The following NDUFA10 variants were observed in gnomAD, a reference collection of about 807,000 sequenced individuals.
NDUFA10 encodes NADH dehydrogenase [ubiquinone] 1 alpha subcomplex subunit 10, mitochondrial.
In NDUFA10, 40 loss-of-function variants were observed where a neutral mutation model predicts 47.8. That is an observed-to-expected ratio of 0.84 (90% CI 0.65 to 1.09). The LOEUF is 1.09. Ranked by LOEUF, NDUFA10 falls within the 50% of genes least tolerant of loss-of-function variation. The pLI is 0.00. For synonymous variants in NDUFA10, 183 were observed against 172.2 expected (o/e 1.06, Z -0.49); for missense variants, 413 against 451.1 (o/e 0.92, Z 0.76).
intron 4 of NDUFA10, among the ~76,000 whole-genome samples, chr2:239,936,777 AC>A (rs1694272991): frequency 6.6e-6 from 1 of 152,110 alleles, no homozygotes; most frequent in Admixed American, 6.5e-5. Flanking sequence ...ACATGGCGAA[AC>A]CCTGTCTCTA....
chr2:239,922,072 T>C lies in NDUFA10; in HGVS notation c.295-26758A>G, dbSNP rs1245847180. 8.3e-5 allele frequency among the ~76,000 whole-genome samples: 11 copies of C among 133,052 alleles called. No homozygotes were observed. In the East Asian group the frequency reaches 2.5e-3, roughly 30 times the overall value. The allele number at this position is 133,052 out of a possible 152,430, so 87.3% of individuals were successfully genotyped here. A position where few individuals can be genotyped will look rare whatever the true frequency, so the allele number is the denominator to read the frequency against. On this transcript the variant is annotated intron_variant, in intron 4 of 5. Transcript: ENST00000419408. ...TCCCTCCCTCCCTTCCTTCTTTCCTTCCTTCCTTGCTTGTTTCCTTCCTTC... is the reference window on the plus strand; with the variant it reads ...TCCCTCCCTCCCTTCCTTCTTTCCTCCCTTCCTTGCTTGTTTCCTTCCTTC...
chr2:239,938,732 G>A (rs1453919476), intron 4 of NDUFA10, among the ~76,000 whole-genome samples: 7 of 152,186 alleles, frequency 4.6e-5, no homozygotes, highest in Non-Finnish European at 1.5e-5. Flanking sequence ...TTAAACGGGG[G>A]CGGCTAGGAA....
At chr2:239,949,745 G>A (rs1694520880) in intron 4 of NDUFA10, among the ~76,000 whole-genome samples, 1 of 152,152 alleles carries the variant, frequency 6.6e-6, no homozygotes, top group Non-Finnish European at 1.5e-5. Context: ...GCCTCCCAAA[G>A]CACTCGGATT....
chr2:239,917,962 T>C (rs1049451876), intron 4 of NDUFA10, among the ~76,000 whole-genome samples: 1 of 151,656 alleles, frequency 6.6e-6, no homozygotes. Flanking sequence ...TGGGCTGCAG[T>C]GCAGAATGGG....
chr2:239,900,398 A>G (rs2106464171), intron 4 of NDUFA10, among the ~76,000 whole-genome samples: 1 of 141,146 alleles, frequency 7.1e-6, no homozygotes, highest in African/African-American at 2.6e-5. Flanking sequence ...AACCTTGACT[A>G]ATACAGGCCT....
At chr2:239,967,941 C>T (rs1415632769) in intron 9 of NDUFA10, among the ~76,000 whole-genome samples, 2 of 148,768 alleles carry the variant, frequency 1.3e-5, no homozygotes, top group African/African-American at 5.0e-5. Context: ...GCTTCAAATG[C>T]CAGCTGTTCG....
chr2:239,983,499 C>G (rs1248311069), intron 9 of NDUFA10: 7 of 1,587,210 alleles, frequency 4.4e-6, no homozygotes, highest in Non-Finnish European at 6.0e-6. Context: ...ATCCTCTAAA[C>G]AGTCAGACAA....
chr2:239,939,594 A>C (rs899103089), intron 4 of NDUFA10, among the ~76,000 whole-genome samples: 1 of 152,286 alleles, frequency 6.6e-6, no homozygotes, highest in Admixed American at 6.5e-5. Context: ...TGACCCATGC[A>C]GAATATTCAA....
At chr2:240,006,182 CG>C (rs755810469) in intron 7 of NDUFA10, among the ~76,000 whole-genome samples, 3 of 152,060 alleles carry the variant, frequency 2.0e-5, no homozygotes, top group Non-Finnish European at 4.4e-5. Context: ...GGAGACAAAA[CG>C]TATTATTCTT....
chr2:239,990,360 G>T (rs79451541), intron 8 of NDUFA10, among the ~76,000 whole-genome samples, 178 bp from the exon 9 acceptor site: 2 of 152,146 alleles, frequency 1.3e-5, no homozygotes, highest in African/African-American at 4.8e-5. Flanking sequence ...CCACATGGTC[G>T]ATCTGGAGCT....
At chr2:239,931,704 G>A (rs912080665) in intron 4 of NDUFA10, among the ~76,000 whole-genome samples, 5 of 152,222 alleles carry the variant, frequency 3.3e-5, no homozygotes, top group East Asian at 1.9e-4. Flanking sequence ...AGGCCATAGC[G>A]GCCCCCAAGC....
At chr2:239,898,892 G>A (rs1022804135) in intron 4 of NDUFA10, among the ~76,000 whole-genome samples, 1 of 152,102 alleles carries the variant, frequency 6.6e-6, no homozygotes, top group African/African-American at 2.4e-5. Flanking sequence ...CATGTAAAGG[G>A]GTGTGAAGGA....
intron 4 of NDUFA10, among the ~76,000 whole-genome samples, chr2:239,933,065 G>A (rs1221986582): frequency 6.6e-6 from 1 of 152,174 alleles, no homozygotes; most frequent in African/African-American, 2.4e-5. Flanking sequence ...GGCCTGGGAT[G>A]GGGGCATCTC....
intron 4 of NDUFA10, among the ~76,000 whole-genome samples, chr2:239,950,314 T>C (rs1694530437): frequency 6.6e-6 from 1 of 152,116 alleles, no homozygotes; most frequent in Non-Finnish European, 1.5e-5. Context: ...CCCGAGTCCT[T>C]GAGCGGGCAA....
intron 8 of NDUFA10, among the ~76,000 whole-genome samples, chr2:239,991,607 G>A (rs1177092975): frequency 6.6e-6 from 1 of 152,192 alleles, no homozygotes; most frequent in African/African-American, 2.4e-5. Context: ...CTCTCCAGAG[G>A]AAACTGCTGC....
intron 4 of NDUFA10, among the ~76,000 whole-genome samples, chr2:239,909,618 C>A (rs1247130832): frequency 2.0e-5 from 3 of 151,922 alleles, no homozygotes; most frequent in East Asian, 1.9e-4. Context: ...ATCTCAAAAA[C>A]AAAAGCAAAA....
chr2:239,908,310 C>T (rs971422812), intron 4 of NDUFA10, among the ~76,000 whole-genome samples: 44 of 152,280 alleles, frequency 2.9e-4, no homozygotes, highest in African/African-American at 1.1e-3. Flanking sequence ...GACAAATTAA[C>T]AGGTGCAGCA....
chr2:239,973,400 A>C (rs1695377968), intron 9 of NDUFA10: 1 of 424,274 alleles, frequency 2.4e-6, no homozygotes, highest in Admixed American at 3.0e-5. Context: ...ATACAGTATT[A>C]ACATATTAAA....
rs182285118 is a variant in NDUFA10, at chr2:240,005,367, G to A, written c.805-72C>T. ...AATTTAAATGAAATAACTTTTTTTT[G>A]AGACAGGGTCCGGCTCTATCATCCA... On this transcript the variant is annotated intron_variant, in intron 7 of 9. Coordinates refer to ENST00000252711, the MANE Select transcript of NDUFA10 (RefSeq NM_004544.4). 1.0e-3 allele frequency: 1,261 copies of A among 1,254,898 alleles called. 21 individuals are homozygous for A. The South Asian group carries it at 0.011, about 11-fold the overall frequency. The allele number at this position is 1,254,898 out of a possible 1,614,324, so 77.7% of individuals were successfully genotyped here.
Sources: gnomAD v4.1 joint callset for allele counts (sites outside exome capture counted in the v4.1 genomes callset) on GRCh38, gnomAD v4.1.1 for gene constraint, MANE v1.5 for transcripts, NCBI Gene and HGNC (gene_info 2026-07-23, HGNC 2026-07-21) for gene names.